The following SSH2 variants were observed in gnomAD, a reference collection of about 807,000 sequenced individuals.
SSH2 encodes the protein slingshot protein phosphatase 2.
SSH2 carries 37 observed loss-of-function variants against 135.2 expected under a neutral mutation model. The ratio of observed to expected loss-of-function variants is 0.27; its 90% CI spans 0.21 to 0.36. The LOEUF is 0.36. SSH2 is among the 10% of genes least tolerant of loss of function. The pLI is 1.00. For synonymous variants in SSH2, 628 were observed against 646.2 expected (o/e 0.97, Z 0.43); for missense variants, 1,408 against 1,765.3 (o/e 0.80, Z 3.63).
At chr17:29,905,505 C>T (rs2066637053) in intron 1 of SSH2, among the ~76,000 whole-genome samples, 1 of 152,316 alleles carries the variant, frequency 6.6e-6, no homozygotes, top group African/African-American at 2.4e-5. Flanking sequence ...CCTCCTTGTG[C>T]TTTTGGGGAG....
chr17:29,857,988 T>G lies in SSH2; in HGVS notation c.64-9059A>C, dbSNP rs559758793. 2.0e-5 allele frequency among the ~76,000 whole-genome samples: 3 copies of G among 152,352 alleles called. No homozygotes were observed. The South Asian group carries it at 6.2e-4, about 32-fold the overall frequency. ...CATGTAAGTGGAATCATACACTGTTTGTCTTTGACTGAGTTATCTTACTTA... is the reference window on the plus strand; with the variant it reads ...CATGTAAGTGGAATCATACACTGTTGGTCTTTGACTGAGTTATCTTACTTA... On this transcript the variant is annotated intron_variant, in intron 1 of 15. Transcript: ENST00000540801.
At chr17:29,778,490 A>G (rs2041759145) in intron 3 of SSH2, among the ~76,000 whole-genome samples, 1 of 151,754 alleles carries the variant, frequency 6.6e-6, no homozygotes, top group African/African-American at 2.4e-5. Context: ...AAATACAAAA[A>G]TCAGCCGGGC....
At chr17:29,647,966 C>T (rs2036444568) in intron 14 of SSH2, 178 bp downstream of exon 14, 1 of 642,402 alleles carries the variant, frequency 1.6e-6, no homozygotes, top group Non-Finnish European at 2.7e-6. Context: ...CCCGGCCAGC[C>T]CATGCAAATC....
intron 8 of SSH2, chr17:29,673,879 T>C: frequency 3.1e-6 from 1 of 319,078 alleles, no homozygotes. Context: ...GCATAATATT[T>C]AATGATATAG....
At position 29,720,347 on chromosome 17, in the gene SSH2, A is replaced by G. The variant is rs1288758091; in HGVS notation, c.189-17285T>C. ...AAAAACTGAACTCCATCTGCAAAACAACAGTTTCTCAATTTTCCTTACCAA... is the reference window on the plus strand; with the variant it reads ...AAAAACTGAACTCCATCTGCAAAACGACAGTTTCTCAATTTTCCTTACCAA... On this transcript the variant is annotated intron_variant, in intron 3 of 15. Coordinates refer to ENST00000540801, the MANE Select transcript of SSH2 (RefSeq NM_001282129.2). 9.9e-5 allele frequency among the ~76,000 whole-genome samples: 15 copies of G among 152,232 alleles called. 1 individual carries two copies. Among genetic ancestry groups the G allele is most frequent in the Non-Finnish European group, 2.9e-5 (2 of 68,040 alleles).
In SSH2 at chr17:29,626,292, A is replaced by G. The variant is rs1477295995; in HGVS notation, c.*4549T>C. On this transcript the variant is annotated 3_prime_UTR_variant, in exon 16 of 16. Transcript: ENST00000540801. ...AAAACAAAGCAGAAAGAAAAAAAAA[A>G]AAAAAGAAAAGTAAAGGCACCTTTA... 6.6e-6 allele frequency: 1 copy of G among 152,552 alleles called. No homozygotes were observed. 9.4% of individuals were successfully genotyped at this position (152,552 alleles called of 1,614,324 possible).
chr17:29,641,531 A>G (rs1216607947), intron 14 of SSH2: 3 of 152,208 alleles, frequency 2.0e-5, no homozygotes, highest in African/African-American at 7.2e-5. Flanking sequence ...ACAGACATAC[A>G]TAAGGTGATG....
Position 29,930,226 on chromosome 17 carries a change from A to C in SSH2, c.-226T>G. The C allele has an allele frequency of 1.8e-6, 1 of 551,004 alleles. No individual in the cohort carries two copies. Among genetic ancestry groups the C allele is most frequent in the Non-Finnish European group, 3.2e-6 (1 of 311,658 alleles). 34.1% of individuals were successfully genotyped at this position (551,004 alleles called of 1,614,324 possible). On this transcript the variant is annotated 5_prime_UTR_variant, in exon 1 of 16. In the 5' UTR this introduces an upstream ATG that the reference lacks. Coordinates refer to ENST00000540801, the MANE Select transcript of SSH2 (RefSeq NM_001282129.2). ...GGGCGGTTCCGCAGCTGCGGGGCAC[A>C]ATGAGCGCTCCCAGTGCGCAGGCGC...
rs1326580174 is a variant in SSH2 at position 29,636,447 on chromosome 17, C to G, written c.1783G>C (p.Asp595His). 13 of 1,614,048 alleles carry G rather than the reference C, an allele frequency of 8.1e-6. No homozygotes were observed. The highest frequency in any genetic ancestry group is 1.1e-5 in the Non-Finnish European group (13 of 1,180,044). Residue 595 changes from aspartate (D) to histidine (H), a missense_variant, in exon 15 of 16, where the codon GAC (aspartate) becomes CAC (histidine). Physicochemically the swap from Asp to His is moderately conservative, Grantham distance 81. This residue lies in a region of SSH2 where 1,080 missense variants were observed against 1,144.5 expected (regional missense o/e 0.94). Coordinates refer to ENST00000540801, the MANE Select transcript of SSH2 (RefSeq NM_001282129.2). ...CCLNESKFPL[D>H]NCHASKALIQ... ...AAGGCTTTGGATGCATGGCAATTGT[C>G]AAGAGGAAATTTTGATTCATTCAGA...
At chr17:29,635,427 AAG>A (rs2035862649) in intron 15 of SSH2, among the ~76,000 whole-genome samples, 1 of 151,220 alleles carries the variant, frequency 6.6e-6, no homozygotes, top group Non-Finnish European at 1.5e-5. Flanking sequence ...TTTTTGAGAC[AAG>A]AGTCTTGCTC....
chr17:29,876,859 T>C (rs2066043123), intron 1 of SSH2, among the ~76,000 whole-genome samples: 1 of 150,998 alleles, frequency 6.6e-6, no homozygotes, highest in Non-Finnish European at 1.5e-5. Flanking sequence ...TAAGCAAAAA[T>C]GGACAAATGG....
intron 11 of SSH2, among the ~76,000 whole-genome samples, chr17:29,663,270 C>T (rs988697049): frequency 2.6e-5 from 4 of 152,272 alleles, no homozygotes; most frequent in Non-Finnish European, 5.9e-5. Flanking sequence ...CCTCTCTTTA[C>T]TCAATCTGGT....
intron 3 of SSH2, among the ~76,000 whole-genome samples, chr17:29,704,300 C>T (rs1356559466): frequency 6.6e-6 from 1 of 152,190 alleles, no homozygotes; most frequent in Non-Finnish European, 1.5e-5. Flanking sequence ...TATCCCCATA[C>T]TCAGTGAAAA....
chr17:29,786,628 GA>G (rs563534674), intron 3 of SSH2, among the ~76,000 whole-genome samples: 5 of 149,296 alleles, frequency 3.3e-5, no homozygotes, highest in East Asian at 2.0e-4. Context: ...TGTCTTCTGA[GA>G]AAAAAAAAAT....
intron 9 of SSH2, among the ~76,000 whole-genome samples, chr17:29,669,847 TG>T (rs1266326034): frequency 8.5e-5 from 13 of 152,122 alleles, no homozygotes; most frequent in African/African-American, 3.1e-4. Flanking sequence ...TCTTCTTGTT[TG>T]TTGTGTAGTA....
intron 13 of SSH2, among the ~76,000 whole-genome samples, chr17:29,649,411 C>A (rs1299061058): frequency 2.0e-5 from 3 of 148,560 alleles, no homozygotes; most frequent in Non-Finnish European, 3.0e-5. Context: ...TTTTTTTTTT[C>A]TTCCCCCTAA....
Position 29,636,385 on chromosome 17 carries a change from CTTG to C in SSH2, c.1842_1844del (p.Asn614del). On this transcript the variant is annotated inframe_deletion, in exon 15 of 16. Coordinates refer to ENST00000540801, the MANE Select transcript of SSH2 (RefSeq NM_001282129.2). The stretch of plus-strand genomic sequence containing the variant: ...AATCTTCCACTGTTAAGTCTGGAAA[CTTG>C]TTGGCCATTTCTGGGACATGTCCAG... 7.4e-6 allele frequency: 12 copies of C among 1,614,192 alleles called. No individual in the cohort carries two copies. Among genetic ancestry groups the C allele is most frequent in the Non-Finnish European group, 1.0e-5 (12 of 1,180,036 alleles).
chr17:29,741,005 T>A (rs1178407986), intron 3 of SSH2, among the ~76,000 whole-genome samples: 2 of 152,200 alleles, frequency 1.3e-5, no homozygotes, highest in Non-Finnish European at 2.9e-5. Flanking sequence ...AATTAGTTTC[T>A]TCATTGTAAC....
At chr17:29,746,027 ACTTT>A (rs2040748693) in intron 3 of SSH2, among the ~76,000 whole-genome samples, 1 of 152,212 alleles carries the variant, frequency 6.6e-6, no homozygotes, top group African/African-American at 2.4e-5. Context: ...GGAACGGGAT[ACTTT>A]AAGAATTAAG....
Sources: gnomAD v4.1 joint callset for allele counts (sites outside exome capture counted in the v4.1 genomes callset) on GRCh38, gnomAD v4.1.1 for gene constraint, gnomAD v4.1.1 regional missense constraint, MANE v1.5 for transcripts, NCBI Gene and HGNC (gene_info 2026-07-23, HGNC 2026-07-21) for gene names.